The following MOB1B variants were observed in gnomAD, a reference collection of about 807,000 sequenced individuals.
MOB1B encodes MOB kinase activator 1B.
Under a neutral mutation model 24.4 loss-of-function variants are expected in MOB1B, and 19 were observed. The ratio of observed to expected loss-of-function variants is 0.78; its 90% CI spans 0.54 to 1.14. The LOEUF is 1.14. MOB1B is among the 50% of genes most tolerant of loss of function. The probability of loss-of-function intolerance (pLI) is 0.00; values close to 1 mark genes in which losing one functional copy is unlikely to be tolerated. For missense variants in MOB1B, 243 were observed against 259.6 expected, an observed-to-expected ratio of 0.94 and a Z score of 0.44; for synonymous variants, 76 against 82.1, an observed-to-expected ratio of 0.93 and a Z score of 0.40.
At chr4:70,961,101 A>G (rs1008245962) in intron 2 of MOB1B, among the ~76,000 whole-genome samples, 2 of 152,226 alleles carry the variant, frequency 1.3e-5, no homozygotes, top group African/African-American at 4.8e-5. Flanking sequence ...AGCTTAATTC[A>G]TAAAGCTTAA....
At chr4:70,973,517 C>T (rs982336218) in intron 3 of MOB1B, among the ~76,000 whole-genome samples, 2 of 150,196 alleles carry the variant, frequency 1.3e-5, no homozygotes, top group Non-Finnish European at 3.0e-5. Flanking sequence ...AAAATCTTAC[C>T]ATTCACGGTC....
At chr4:70,967,771 A>T (rs944148685) in intron 2 of MOB1B, among the ~76,000 whole-genome samples, 5 of 152,302 alleles carry the variant, frequency 3.3e-5, no homozygotes, top group African/African-American at 9.6e-5. Context: ...GAACAAATCT[A>T]ATGAAACCTG....
At chr4:70,955,213 G>A (rs1318023433) in intron 1 of MOB1B, among the ~76,000 whole-genome samples, 1 of 152,158 alleles carries the variant, frequency 6.6e-6, no homozygotes, top group Non-Finnish European at 1.5e-5. Context: ...GTGAGGCTCG[G>A]ACTTACCTGA....
chr4:70,958,202 C>T (rs1203052924), intron 1 of MOB1B, among the ~76,000 whole-genome samples: 1 of 150,438 alleles, frequency 6.6e-6, no homozygotes, highest in African/African-American at 2.4e-5. Context: ...TCTCACTCTG[C>T]CGCCCAGGCT....
chr4:70,935,847 A>ATTTTT (rs11395356), intron 1 of MOB1B, among the ~76,000 whole-genome samples: 8 of 100,374 alleles, frequency 8.0e-5, no homozygotes, highest in Admixed American at 2.6e-4. Flanking sequence ...TGGTACACTA[A>ATTTTT]TTTTTTTTTT....
In MOB1B at chr4:70,927,394, G is replaced by A. The variant is rs188862090; in HGVS notation, c.14+24844G>A. 1.2e-3 allele frequency among the ~76,000 whole-genome samples: 178 copies of A among 152,186 alleles called. 1 individual carries two copies. The highest frequency in any genetic ancestry group is 0.011 in the South Asian group (54 of 4,816). ...GTCTCTACTAAAAATACAATAATTA[G>A]CCAGGCATGGTGGCACTCGCCTGTA... On this transcript the variant is annotated intron_variant, in intron 1 of 5. Coordinates refer to ENST00000309395, the MANE Select transcript of MOB1B (RefSeq NM_173468.4).
At chr4:70,943,253 G>C (rs1182701216) in intron 1 of MOB1B, among the ~76,000 whole-genome samples, 2 of 152,118 alleles carry the variant, frequency 1.3e-5, no homozygotes, top group Admixed American at 1.3e-4. Flanking sequence ...GGGTGGTTCA[G>C]CTTTTATGGA....
chr4:70,904,510 C>G (rs1216376188), intron 1 of MOB1B, among the ~76,000 whole-genome samples: 3 of 151,674 alleles, frequency 2.0e-5, no homozygotes, highest in Admixed American at 1.3e-4. Context: ...CCTGTAATCC[C>G]AGCACTTTGG....
Position 70,979,251 on chromosome 4 carries a change from A to G in MOB1B, c.533A>G (p.His178Arg). The change falls in exon 5 of 6, where the codon CAT becomes CGT. Residue 178 changes from histidine (H) to arginine (R), a missense_variant. His to Arg is a conservative substitution (Grantham distance 29). Transcript: ENST00000309395. ...GTGATCCAGCTTCAGGAGGAAGCAC[A>G]TCTAAATACATCTTTCAAGCACTTT... ...DPVIQLQEEA[H>R]LNTSFKHFIF... 6.2e-7 allele frequency: 1 copy of G among 1,613,874 alleles called. No homozygotes were observed. The highest frequency in any genetic ancestry group is 1.1e-5 in the South Asian group (1 of 91,066).
chr4:70,963,827 GA>G (rs200308185), intron 2 of MOB1B, among the ~76,000 whole-genome samples: 1,638 of 151,532 alleles, frequency 0.011, 28 homozygotes, highest in African/African-American at 0.038. Flanking sequence ...CACAAAAGAA[GA>G]AAAAAACAAA....
intron 1 of MOB1B, among the ~76,000 whole-genome samples, chr4:70,903,629 T>C (rs1735611356): frequency 6.6e-6 from 1 of 152,344 alleles, no homozygotes; most frequent in South Asian, 2.1e-4. Context: ...ATTTAAAGGA[T>C]ATTTTCTTAA....
intron 1 of MOB1B, among the ~76,000 whole-genome samples, chr4:70,954,354 A>G (rs1254545302): frequency 1.3e-5 from 2 of 152,244 alleles, no homozygotes; most frequent in East Asian, 1.9e-4. Context: ...TAAAGAAAAA[A>G]TAGGCTCTGG....
chr4:70,913,317 G>C (rs61564226), intron 1 of MOB1B, among the ~76,000 whole-genome samples: 5,255 of 151,756 alleles, frequency 0.035, 312 homozygotes, highest in African/African-American at 0.12. Context: ...TGTATTTTTT[G>C]GGATAGTCTC....
intron 4 of MOB1B, 143 bp from the exon 5 acceptor site, chr4:70,978,985 A>G: frequency 1.6e-6 from 1 of 627,022 alleles, no homozygotes; most frequent in East Asian, 2.7e-5. Flanking sequence ...ACTTCTGAAA[A>G]GGTATAATGG....
chr4:70,973,484 A>C (rs1468252658), intron 3 of MOB1B, among the ~76,000 whole-genome samples: 2 of 151,870 alleles, frequency 1.3e-5, no homozygotes, highest in Non-Finnish European at 1.5e-5. Context: ...AAAAAAAAAA[A>C]AAAAAAAAAC....
At chr4:70,941,755 A>G (rs1737357696) in intron 1 of MOB1B, among the ~76,000 whole-genome samples, 4 of 152,302 alleles carry the variant, frequency 2.6e-5, no homozygotes, top group African/African-American at 9.6e-5. Flanking sequence ...GAAAATTAAC[A>G]TTCGAACATT....
intron 5 of MOB1B, among the ~76,000 whole-genome samples, chr4:70,979,710 G>T (rs1338943446): frequency 6.6e-6 from 1 of 151,754 alleles, no homozygotes. Flanking sequence ...TTGTCCTTTT[G>T]TTTTTTTTAA....
chr4:70,922,628 A>G (rs181803822), intron 1 of MOB1B, among the ~76,000 whole-genome samples: 2 of 152,346 alleles, frequency 1.3e-5, no homozygotes, highest in East Asian at 3.9e-4. Context: ...AATACCTAGC[A>G]AAGACAAACA....
At chr4:70,925,072 C>A (rs1736595324) in intron 1 of MOB1B, among the ~76,000 whole-genome samples, 1 of 152,048 alleles carries the variant, frequency 6.6e-6, no homozygotes, top group East Asian at 1.9e-4. Context: ...GAGATGGAGT[C>A]TTGCTCTGTA....
Sources: gnomAD v4.1 joint callset for allele counts (sites outside exome capture counted in the v4.1 genomes callset) on GRCh38, gnomAD v4.1.1 for gene constraint, MANE v1.5 for transcripts, NCBI Gene and HGNC (gene_info 2026-07-23, HGNC 2026-07-21) for gene names.